The following TRIO variants were observed in gnomAD, a reference collection of about 807,000 sequenced individuals.
The protein encoded by TRIO is trio Rho guanine nucleotide exchange factor.
TRIO carries 58 observed loss-of-function variants against 351.9 expected under a neutral mutation model. The observed-to-expected ratio is 0.16, with a 90% CI of 0.13 to 0.21. TRIO has a LOEUF of 0.21. Ranked by LOEUF, TRIO falls within the 10% of genes least tolerant of loss-of-function variation. The pLI is 1.00. For missense variants in TRIO, 3,201 were observed against 4,027.8 expected, an observed-to-expected ratio of 0.79 and a Z score of 5.56; for synonymous variants, 1,758 against 1,595.7, an observed-to-expected ratio of 1.10 and a Z score of -2.42.
rs567989980 is a variant in TRIO, at chr5:14,186,684, T to C, written c.157+42802T>C. ...CCTCTGCCCCCCTGGTTCAAGCGAT[T>C]CTCTTGCCTCAGCCTCCTAAGTAGT... is the stretch of plus-strand genomic sequence containing the variant. On this transcript the variant is annotated intron_variant, in intron 1 of 56. Coordinates refer to ENST00000344204, the MANE Select transcript of TRIO (RefSeq NM_007118.4). 5.0e-3 allele frequency among the ~76,000 whole-genome samples: 762 copies of C among 152,226 alleles called. 10 individuals are homozygous for C. The highest frequency in any genetic ancestry group is 0.017 in the African/African-American group (706 of 41,522).
intron 10 of TRIO, among the ~76,000 whole-genome samples, chr5:14,335,237 A>T (rs1741288574): frequency 2.0e-5 from 3 of 152,112 alleles, no homozygotes; most frequent in Admixed American, 2.0e-4. Flanking sequence ...CATTCTACTA[A>T]TGTAACCAGT....
chr5:14,502,856 G>A (rs528847607), intron 54 of TRIO, among the ~76,000 whole-genome samples, 199 bp downstream of exon 54: 1 of 152,354 alleles, frequency 6.6e-6, no homozygotes, highest in South Asian at 2.1e-4. Flanking sequence ...TCGGGTTCCA[G>A]CAGAGAGGGC....
At chr5:14,469,852 C>T (rs534882004) in intron 37 of TRIO, among the ~76,000 whole-genome samples, 1 of 152,360 alleles carries the variant, frequency 6.6e-6, no homozygotes, top group Admixed American at 6.5e-5. Flanking sequence ...ACCTCCCTGC[C>T]GTCTGCAGCA....
At chr5:14,363,613 A>G (rs1324029793) in intron 13 of TRIO, 119 bp from the exon 14 acceptor site, 13 of 850,138 alleles carry the variant, frequency 1.5e-5, no homozygotes, top group South Asian at 7.0e-5. Flanking sequence ...CATGCATCTT[A>G]AGTGTTTGAC....
chr5:14,242,992 G>A (rs1170322247), intron 1 of TRIO, among the ~76,000 whole-genome samples: 1 of 152,240 alleles, frequency 6.6e-6, no homozygotes, highest in African/African-American at 2.4e-5. Context: ...GACACATGCA[G>A]TGGTTGGCGG....
intron 48 of TRIO, chr5:14,488,570 C>T: frequency 2.0e-6 from 1 of 511,030 alleles, no homozygotes; most frequent in Non-Finnish European, 3.5e-6. Context: ...CCTCTGCCTT[C>T]CTCACGCACC....
intron 1 of TRIO, among the ~76,000 whole-genome samples, chr5:14,218,034 T>C (rs1180565022): frequency 6.6e-6 from 1 of 152,232 alleles, no homozygotes; most frequent in African/African-American, 2.4e-5. Context: ...TTATTAATGA[T>C]TTTTAGTATA....
chr5:14,479,198 C>A (rs1390487942), intron 41 of TRIO, 63 bp from the exon 42 acceptor site: 23 of 1,356,802 alleles, frequency 1.7e-5, no homozygotes, highest in Non-Finnish European at 2.4e-5. Context: ...TGTGCGGGTA[C>A]TCGTGTATTC....
chr5:14,311,872 A>T (rs1177127922), intron 8 of TRIO, among the ~76,000 whole-genome samples: 1 of 152,178 alleles, frequency 6.6e-6, no homozygotes, highest in African/African-American at 2.4e-5. Context: ...TACAGGCTAA[A>T]TGTCTTGGTG....
intron 11 of TRIO, among the ~76,000 whole-genome samples, chr5:14,337,576 T>C (rs1411703880): frequency 1.3e-5 from 2 of 151,954 alleles, no homozygotes; most frequent in Non-Finnish European, 2.9e-5. Context: ...CTTGTGGTCA[T>C]AGGATGGGAA....
chr5:14,381,337 T>G, intron 21 of TRIO, 85 bp downstream of exon 21: 1 of 1,475,820 alleles, frequency 6.8e-7, no homozygotes. Context: ...CTCATGAGAT[T>G]GGAGAAAAGG....
Position 14,143,542 on chromosome 5 carries a change from AT to A in TRIO, c.-183del, listed in dbSNP as rs933104320. Reference sequence around the variant, plus strand: ...CGGCTACCGGGCGGAGTCCTCGTCTATGTGGGCGCGCTCCTTGGGCCGAGCC... The same window carrying A: ...CGGCTACCGGGCGGAGTCCTCGTCTAGTGGGCGCGCTCCTTGGGCCGAGCC... On this transcript the variant is annotated 5_prime_UTR_variant, in exon 1 of 57. The change abolishes an upstream ATG in the 5' untranslated region. Coordinates refer to ENST00000344204, the MANE Select transcript of TRIO (RefSeq NM_007118.4). Among the ~76,000 whole-genome samples the A allele has an allele frequency of 6.8e-6, 1 of 146,164 alleles. No homozygotes were observed. Among genetic ancestry groups the A allele is most frequent in the Non-Finnish European group, 1.5e-5 (1 of 65,868 alleles).
At chr5:14,401,868 T>C (rs1184944690) in intron 31 of TRIO, among the ~76,000 whole-genome samples, 1 of 152,180 alleles carries the variant, frequency 6.6e-6, no homozygotes, top group East Asian at 1.9e-4. Context: ...AGCCAGAGTG[T>C]AATGGGACTC....
chr5:14,346,665 T>C (rs1342230672), intron 11 of TRIO, among the ~76,000 whole-genome samples: 1 of 152,250 alleles, frequency 6.6e-6, no homozygotes, highest in African/African-American at 2.4e-5. Context: ...TATTTTGTTC[T>C]CTACTAGGTT....
intron 1 of TRIO, among the ~76,000 whole-genome samples, chr5:14,253,006 A>T (rs1464087340): frequency 2.0e-5 from 3 of 152,236 alleles, no homozygotes; most frequent in Non-Finnish European, 4.4e-5. Flanking sequence ...ACAATTAGCC[A>T]TTCATTTAAC....
intron 34 of TRIO, among the ~76,000 whole-genome samples, chr5:14,453,957 A>C (rs1241928330): frequency 1.3e-5 from 2 of 151,524 alleles, no homozygotes. Flanking sequence ...TTTTTGAGAC[A>C]GGGTCTCACT....
intron 33 of TRIO, among the ~76,000 whole-genome samples, chr5:14,417,690 A>G (rs1404633366): frequency 6.6e-6 from 1 of 152,214 alleles, no homozygotes. Flanking sequence ...CCCTTTAGCA[A>G]GAGGTGACAG....
intron 1 of TRIO, among the ~76,000 whole-genome samples, chr5:14,153,153 GT>G (rs1466462331): frequency 6.6e-6 from 1 of 152,212 alleles, no homozygotes; most frequent in African/African-American, 2.4e-5. Flanking sequence ...CAGATTTTCG[GT>G]GATAACCTGC....
intron 55 of TRIO, 25 bp from the exon 56 acceptor site, chr5:14,507,097 C>T: frequency 1.3e-6 from 2 of 1,557,500 alleles, no homozygotes; most frequent in Non-Finnish European, 1.7e-6. Flanking sequence ...CGCATCATAA[C>T]AGTCACCCGC....
Sources: allele counts gnomAD v4.1 joint callset (sites outside exome capture counted in the v4.1 genomes callset), GRCh38; gene constraint gnomAD v4.1.1; transcripts MANE v1.5; gene names NCBI Gene and HGNC (gene_info 2026-07-23, HGNC 2026-07-21).